The following ZNF423 variants were observed in gnomAD, a reference collection of about 807,000 sequenced individuals.
ZNF423 encodes Ebf-associated zinc finger protein.
In ZNF423, 12 loss-of-function variants were observed where a neutral mutation model predicts 95.8. The observed-to-expected ratio is 0.13, with a 90% CI of 0.08 to 0.20. ZNF423 has a LOEUF of 0.20. Among genes scored for constraint, ZNF423 ranks in the 10% least tolerant of loss-of-function variants. The probability of loss-of-function intolerance (pLI) is 1.00; values close to 1 mark genes in which losing one functional copy is unlikely to be tolerated. For synonymous variants in ZNF423, 749 were observed against 711.9 expected (o/e 1.05, Z -0.83); for missense variants, 1,316 against 1,737.1 (o/e 0.76, Z 4.31).
intron 4 of ZNF423, among the ~76,000 whole-genome samples, chr16:49,627,751 T>TG: frequency 7.2e-6 from 1 of 138,114 alleles, no homozygotes; most frequent in East Asian, 2.4e-4. Context: ...CCCATCCATC[T>TG]ACATAAACAC....
intron 7 of ZNF423, among the ~76,000 whole-genome samples, chr16:49,496,294 C>T (rs1457730479): frequency 6.6e-6 from 1 of 152,182 alleles, no homozygotes; most frequent in Non-Finnish European, 1.5e-5. Context: ...ATGTTTGTCC[C>T]CTCCAAATCT....
At chr16:49,510,248 G>A (rs1967830661) in intron 7 of ZNF423, among the ~76,000 whole-genome samples, 1 of 152,200 alleles carries the variant, frequency 6.6e-6, no homozygotes, top group Admixed American at 6.5e-5. Context: ...CCCTCCAAGA[G>A]GGGCACTGGC....
At chr16:49,649,942 A>T (rs527822950) in intron 3 of ZNF423, among the ~76,000 whole-genome samples, 93 of 152,384 alleles carry the variant, frequency 6.1e-4, no homozygotes, top group African/African-American at 2.1e-3. Context: ...CTATTCACTC[A>T]TTCCTCCTCC....
At chr16:49,631,361 C>T (rs1422824762) in intron 4 of ZNF423, among the ~76,000 whole-genome samples, 1 of 152,122 alleles carries the variant, frequency 6.6e-6, no homozygotes, top group East Asian at 1.9e-4. Flanking sequence ...ACCCTCCAAG[C>T]ATGGCTGGAC....
intron 3 of ZNF423, among the ~76,000 whole-genome samples, chr16:49,730,179 G>GA (rs2033127444): frequency 6.6e-6 from 1 of 152,122 alleles, no homozygotes. Context: ...GTAGCTCCTA[G>GA]AAAACTGGTC....
At chr16:49,741,040 C>T (rs956407788) in intron 2 of ZNF423, among the ~76,000 whole-genome samples, 14 of 152,208 alleles carry the variant, frequency 9.2e-5, no homozygotes, top group Admixed American at 6.5e-4. Flanking sequence ...ACTCGGATAA[C>T]GAGTGGAGAG....
At chr16:49,672,060 T>C (rs2030838130) in intron 3 of ZNF423, among the ~76,000 whole-genome samples, 1 of 152,208 alleles carries the variant, frequency 6.6e-6, no homozygotes, top group African/African-American at 2.4e-5. Context: ...ATTCAGACTT[T>C]TTCAGATTCT....
Position 49,637,437 on chromosome 16 carries a change from G to A in ZNF423, c.1739C>T (p.Pro580Leu), listed in dbSNP as rs1326813453. The A allele has an allele frequency of 1.9e-6, 3 of 1,614,014 alleles. No individual in the cohort carries two copies. Among genetic ancestry groups the A allele is most frequent in the African/African-American group, 1.3e-5 (1 of 74,890 alleles). The change falls in exon 4 of 8, where the codon CCC becomes CTC. Residue 580 changes from proline to leucine, a missense_variant. Pro to Leu is a moderately conservative substitution (Grantham distance 98). Around this residue, in one of 6 missense-constraint regions of ZNF423, gnomAD observed 9 missense variants for 31.8 expected, o/e 0.28. Transcript: ENST00000563137. The surrounding 1 kb of genome is among the most constrained non-coding windows in gnomAD (Gnocchi z 5.6). ...VYSCPYCTNS[P>L]IFGSILKLTK... ...GAGTTTCAGGATGGAGCCAAAGATG[G>A]GGGAGTTGGTGCAGTAGGGGCAGGA...
At chr16:49,520,038 C>A (rs947247994) in intron 7 of ZNF423, among the ~76,000 whole-genome samples, 4 of 152,228 alleles carry the variant, frequency 2.6e-5, no homozygotes, top group African/African-American at 9.6e-5. Flanking sequence ...TGTCTGACTT[C>A]AACCTCCCAG....
intron 3 of ZNF423, among the ~76,000 whole-genome samples, chr16:49,724,653 C>T (rs928729562): frequency 2.0e-5 from 3 of 152,246 alleles, no homozygotes; most frequent in Admixed American, 6.5e-5. Context: ...AAGGTGCCAG[C>T]TCCACACAGC....
intron 7 of ZNF423, chr16:49,518,118 C>T (rs1968230239): frequency 2.4e-6 from 1 of 419,250 alleles, no homozygotes; most frequent in Non-Finnish European, 4.7e-6. Context: ...CCTATTCTCT[C>T]TGCAATTTAT....
intron 5 of ZNF423, among the ~76,000 whole-genome samples, chr16:49,564,687 G>C (rs778581899): frequency 1.3e-5 from 2 of 152,218 alleles, no homozygotes; most frequent in Non-Finnish European, 2.9e-5. Flanking sequence ...GTGGCACTGA[G>C]CTCCTGGAGC....
intron 5 of ZNF423, among the ~76,000 whole-genome samples, chr16:49,535,752 A>G (rs1469103513): frequency 2.0e-5 from 3 of 152,174 alleles, no homozygotes; most frequent in Admixed American, 2.0e-4. Context: ...TGAAGATTCC[A>G]CTACATCCTG....
intron 3 of ZNF423, among the ~76,000 whole-genome samples, chr16:49,665,324 A>T (rs2030483611): frequency 6.6e-6 from 1 of 152,174 alleles, no homozygotes; most frequent in Admixed American, 6.5e-5. Context: ...TGGTGAGGGT[A>T]GGAGGGTGAG....
intron 3 of ZNF423, among the ~76,000 whole-genome samples, chr16:49,677,313 G>A (rs1567284166): frequency 2.5e-5 from 2 of 80,566 alleles, no homozygotes; most frequent in Non-Finnish European, 5.0e-5. Context: ...GAAGAGAAAG[G>A]AGGGGAAGGG....
intron 5 of ZNF423, among the ~76,000 whole-genome samples, chr16:49,608,559 G>C (rs540911729): frequency 6.6e-6 from 1 of 152,162 alleles, no homozygotes; most frequent in African/African-American, 2.4e-5. Flanking sequence ...GAAAGGCAGA[G>C]AGAAGAAGCC....
chr16:49,807,233 C>T (rs2034678734), intron 1 of ZNF423, among the ~76,000 whole-genome samples: 1 of 151,990 alleles, frequency 6.6e-6, no homozygotes, highest in South Asian at 2.1e-4. Context: ...AGATCGAGAC[C>T]ATCCTGGCTA....
At chr16:49,728,224 G>A (rs962197469) in intron 3 of ZNF423, among the ~76,000 whole-genome samples, 7 of 152,156 alleles carry the variant, frequency 4.6e-5, no homozygotes, top group African/African-American at 1.4e-4. Flanking sequence ...CGCAATTCCC[G>A]GTGGTTTATC....
At chr16:49,582,445 G>A (rs992405449) in intron 5 of ZNF423, among the ~76,000 whole-genome samples, 10 of 152,310 alleles carry the variant, frequency 6.6e-5, no homozygotes, top group African/African-American at 2.2e-4. Flanking sequence ...AATAAGTTAC[G>A]GTGCAGCCAT....
Sources: allele counts gnomAD v4.1 joint callset (sites outside exome capture counted in the v4.1 genomes callset), GRCh38; gene constraint gnomAD v4.1.1; regional missense constraint gnomAD v4.1.1; non-coding constraint Gnocchi (gnomAD v3.1); transcripts MANE v1.5; gene names NCBI Gene and HGNC (gene_info 2026-07-23, HGNC 2026-07-21).